The following CSF1 variants were observed in gnomAD, a reference collection of about 807,000 sequenced individuals.
CSF1 encodes colony stimulating factor 1.
Under a neutral mutation model 48.9 loss-of-function variants are expected in CSF1, and 9 were observed. The ratio of observed to expected loss-of-function variants is 0.18; its 90% CI spans 0.11 to 0.32. The LOEUF (loss-of-function observed/expected upper bound fraction) is 0.32, where lower values mean the gene tolerates loss of function less well. Ranked by LOEUF, CSF1 falls within the 10% of genes least tolerant of loss-of-function variation. The pLI, the probability that CSF1 is intolerant of heterozygous loss-of-function variation, is 1.00. For synonymous variants in CSF1, 305 were observed against 284.1 expected (o/e 1.07, Z -0.74); for missense variants, 672 against 697.9 (o/e 0.96, Z 0.42).
At position 109,921,982 on chromosome 1, in the gene CSF1, T is replaced by C. The variant is rs753443931; in HGVS notation, c.532T>C (p.Cys178Arg). 1 of 1,602,490 alleles carries C rather than the reference T, an allele frequency of 6.2e-7. No individual in the cohort carries two copies. The highest frequency in any genetic ancestry group is 8.5e-7 in the Non-Finnish European group (1 of 1,172,968). ...GAACTGCAACAACAGCTTTGCTGAATGCTCCAGCCAAGGTAAGCATGGCAG... is the reference window on the plus strand; with the variant it reads ...GAACTGCAACAACAGCTTTGCTGAACGCTCCAGCCAAGGTAAGCATGGCAG... Reference protein sequence around the residue: ...SKNCNNSFAECSSQDVVTKPD... With the variant: ...SKNCNNSFAERSSQDVVTKPD... Residue 178 changes from cysteine (C) to arginine (R), a missense_variant, in exon 5 of 9, where the codon TGC becomes CGC. Cys to Arg is a radical substitution (Grantham distance 180). This residue lies in a region of CSF1 where 591 missense variants were observed against 593.6 expected (regional missense o/e 1.00). Transcript: ENST00000329608.
chr1:109,914,093 C>A (rs1484087144), intron 1 of CSF1, among the ~76,000 whole-genome samples, 166 bp from the exon 2 acceptor site: 1 of 152,150 alleles, frequency 6.6e-6, no homozygotes, highest in African/African-American at 2.4e-5. Context: ...GCTGTGGCTG[C>A]TAGAAATCCT....
rs756725261 is a variant in CSF1, at chr1:109,923,863, C to G, written c.1242C>G (p.Ser414Arg). 6.2e-7 allele frequency: 1 copy of G among 1,614,020 alleles called. No individual in the cohort carries two copies. Among genetic ancestry groups the G allele is most frequent in the Non-Finnish European group, 8.5e-7 (1 of 1,179,890 alleles). ...CATCACTGCGCCCCCAGGGCCTCAG[C>G]AACCCCTCCACCCTCTCTGCTCAGC... ...RISSLRPQGL[S>R]NPSTLSAQPQ... The change falls in exon 6 of 9, where the codon AGC (serine) becomes AGG (arginine). Residue 414 changes from serine (S) to arginine (R), a missense_variant. Ser to Arg is a moderately radical substitution (Grantham distance 110). Transcript: ENST00000329608.
chr1:109,924,691 AC>A, intron 6 of CSF1, 84 bp from the exon 7 acceptor site: 2 of 1,222,794 alleles, frequency 1.6e-6, no homozygotes, highest in Non-Finnish European at 2.3e-6. Flanking sequence ...TCTCATAAAT[AC>A]CTGGGGCAGC....
At position 109,910,967 on chromosome 1, in the gene CSF1, C is replaced by A; in HGVS notation, c.-57C>A. 9.4e-7 allele frequency: 1 copy of A among 1,062,514 alleles called. No individual in the cohort carries two copies. The allele number at this position is 1,062,514 out of a possible 1,614,324, so 65.8% of individuals were successfully genotyped here. A position where few individuals can be genotyped will look rare whatever the true frequency, so the allele number is the denominator to read the frequency against. ...GGGGCGCCCACTCCGCAGCAGCCAGCGAGCGAGCGAGCGAGCGAGGGCGGC... is the reference window on the plus strand; with the variant it reads ...GGGGCGCCCACTCCGCAGCAGCCAGAGAGCGAGCGAGCGAGCGAGGGCGGC... On this transcript the variant is annotated 5_prime_UTR_variant, in exon 1 of 9. Transcript: ENST00000329608.
At chr1:109,917,733 A>G (rs1350745540) in intron 4 of CSF1, among the ~76,000 whole-genome samples, 3 of 152,330 alleles carry the variant, frequency 2.0e-5, no homozygotes, top group East Asian at 1.9e-4. Context: ...TAAACAAACC[A>G]TGACACCAGT....
At chr1:109,924,352 T>C (rs1291401903) in intron 6 of CSF1, among the ~76,000 whole-genome samples, 162 bp downstream of exon 6, 1 of 151,770 alleles carries the variant, frequency 6.6e-6, no homozygotes, top group Non-Finnish European at 1.5e-5. Flanking sequence ...AAATGGAGGA[T>C]TACTTCGAGA....
intron 4 of CSF1, among the ~76,000 whole-genome samples, chr1:109,919,866 G>A (rs72974777): frequency 0.14 from 21,663 of 151,686 alleles, 2,878 homozygotes; most frequent in African/African-American, 0.34. Context: ...GGCTGAGGCA[G>A]TAGAATCGCT....
chr1:109,915,541 C>A, intron 2 of CSF1, 93 bp from the exon 3 acceptor site: 1 of 1,055,204 alleles, frequency 9.5e-7, no homozygotes, highest in Non-Finnish European at 1.5e-6. Context: ...AACCCCAATC[C>A]ACTCAGAAGC....
intron 4 of CSF1, among the ~76,000 whole-genome samples, chr1:109,917,692 C>T (rs755061730): frequency 2.0e-5 from 3 of 152,244 alleles, no homozygotes; most frequent in Non-Finnish European, 2.9e-5. Flanking sequence ...CCACCCCATG[C>T]AGCTTATAGT....
At chr1:109,917,588 T>C in intron 4 of CSF1, 125 bp downstream of exon 4, 1 of 985,048 alleles carries the variant, frequency 1.0e-6, no homozygotes, top group Admixed American at 2.3e-5. Context: ...CTCACTCTCA[T>C]TTATTTGTCA....
intron 8 of CSF1, among the ~76,000 whole-genome samples, chr1:109,925,773 C>T (rs1411473334): frequency 3.3e-5 from 5 of 152,194 alleles, no homozygotes; most frequent in African/African-American, 1.2e-4. Context: ...AGGGACTGCC[C>T]CTCTCCATGT....
At chr1:109,918,688 T>C (rs920988065) in intron 4 of CSF1, among the ~76,000 whole-genome samples, 2 of 151,958 alleles carry the variant, frequency 1.3e-5, no homozygotes, top group African/African-American at 4.8e-5. Context: ...ACGGGGATGA[T>C]CCATGGGCAG....
intron 1 of CSF1, among the ~76,000 whole-genome samples, chr1:109,913,157 T>C (rs1416199637): frequency 6.6e-6 from 1 of 152,250 alleles, no homozygotes; most frequent in Non-Finnish European, 1.5e-5. Flanking sequence ...CATAGCCTCG[T>C]TGTGTTTTTC....
intron 8 of CSF1, among the ~76,000 whole-genome samples, chr1:109,928,463 C>A (rs918319002): frequency 6.6e-6 from 1 of 152,214 alleles, no homozygotes; most frequent in Non-Finnish European, 1.5e-5. Context: ...GTTCACTGGA[C>A]CAAGGCCAAT....
At chr1:109,916,966 G>A (rs1354561238) in intron 3 of CSF1, among the ~76,000 whole-genome samples, 3 of 152,158 alleles carry the variant, frequency 2.0e-5, no homozygotes, top group Non-Finnish European at 4.4e-5. Flanking sequence ...ACAAGAGGAA[G>A]ACAGAAAGAA....
chr1:109,925,790 C>T (rs559967554), intron 8 of CSF1, among the ~76,000 whole-genome samples: 50 of 152,298 alleles, frequency 3.3e-4, no homozygotes, highest in African/African-American at 1.2e-3. Flanking sequence ...ATGTCCCCAA[C>T]AGGGAGCCAG....
intron 1 of CSF1, 145 bp from the exon 2 acceptor site, chr1:109,914,114 G>A: frequency 3.5e-6 from 3 of 862,716 alleles, no homozygotes; most frequent in Non-Finnish European, 3.3e-6. Context: ...GGGAAAGCTG[G>A]ATTTGAGGGA....
At position 109,917,350 on chromosome 1, in the gene CSF1, G is replaced by T. The variant is rs1430424844; in HGVS notation, c.283G>T (p.Asp95Tyr). ...TCTCCTGGTACAAGACATAATGGAG[G>T]ACACCATGCGCTTCAGAGATAACAC... Reference protein sequence around the residue: ...AFLLVQDIMEDTMRFRDNTPN... With the variant: ...AFLLVQDIMEYTMRFRDNTPN... The change falls in exon 4 of 9, where the codon GAC (aspartate) becomes TAC (tyrosine). Residue 95 changes from aspartate to tyrosine, a missense_variant. Coordinates refer to ENST00000329608, the MANE Select transcript of CSF1 (RefSeq NM_000757.6). 6.2e-7 allele frequency: 1 copy of T among 1,614,200 alleles called. No individual in the cohort carries two copies. Among genetic ancestry groups the T allele is most frequent in the East Asian group, 2.2e-5 (1 of 44,882 alleles).
chr1:109,916,726 C>T (rs1283220412), intron 3 of CSF1, among the ~76,000 whole-genome samples: 1 of 152,220 alleles, frequency 6.6e-6, no homozygotes, highest in Admixed American at 6.5e-5. Flanking sequence ...ATTTTATGCA[C>T]TCACTCGCTT....
Sources: gnomAD v4.1 joint callset for allele counts (sites outside exome capture counted in the v4.1 genomes callset) on GRCh38, gnomAD v4.1.1 for gene constraint, gnomAD v4.1.1 regional missense constraint, MANE v1.5 for transcripts, NCBI Gene and HGNC (gene_info 2026-07-23, HGNC 2026-07-21) for gene names.